ELMO1: variants seen among roughly 807,000 people sequenced by gnomAD.
ELMO1 encodes engulfment and cell motility protein 1.
ELMO1 carries 26 observed loss-of-function variants against 98.9 expected under a neutral mutation model. The observed-to-expected ratio is 0.26, with a 90% CI of 0.19 to 0.36. ELMO1 has a LOEUF of 0.36. ELMO1 is among the 10% of genes least tolerant of loss of function. ELMO1 has a pLI of 1.00. For missense variants in ELMO1, 627 were observed against 935.2 expected (o/e 0.67, Z 4.30); for synonymous variants, 346 against 346.0 (o/e 1.00, Z 0.00).
chr7:37,037,462 C>T (rs78941214), intron 15 of ELMO1, among the ~76,000 whole-genome samples: 4,122 of 152,270 alleles, frequency 0.027, 75 homozygotes, highest in Middle Eastern at 0.068. Context: ...AATAATTGAG[C>T]TGCTACCTAG....
intron 13 of ELMO1, among the ~76,000 whole-genome samples, chr7:37,204,621 T>C (rs1792500119): frequency 6.6e-6 from 1 of 152,204 alleles, no homozygotes; most frequent in Non-Finnish European, 1.5e-5. Flanking sequence ...CCTGCTTTTT[T>C]TTCCCTTCTT....
At chr7:37,438,725 G>A (rs1217712729) in intron 1 of ELMO1, among the ~76,000 whole-genome samples, 1 of 152,118 alleles carries the variant, frequency 6.6e-6, no homozygotes, top group East Asian at 1.9e-4. Context: ...TACTCGAAGA[G>A]GTGGGGACTT....
intron 16 of ELMO1, among the ~76,000 whole-genome samples, chr7:37,012,238 T>G (rs1236809606): frequency 1.3e-5 from 2 of 152,190 alleles, no homozygotes; most frequent in African/African-American, 4.8e-5. Context: ...TCAATTGGTG[T>G]TGGTTCAAGA....
chr7:36,861,380 C>T (rs1302433385), intron 21 of ELMO1, among the ~76,000 whole-genome samples: 2 of 152,036 alleles, frequency 1.3e-5, no homozygotes, highest in Admixed American at 6.6e-5. Flanking sequence ...GTAACCAGGG[C>T]CGCTTCTTTC....
At chr7:37,337,563 G>C (rs1388861230) in intron 2 of ELMO1, among the ~76,000 whole-genome samples, 1 of 151,576 alleles carries the variant, frequency 6.6e-6, no homozygotes, top group Non-Finnish European at 1.5e-5. Context: ...GAGCATTGGG[G>C]GTTGGGATAA....
At chr7:37,057,753 T>C (rs1796463659) in intron 15 of ELMO1, among the ~76,000 whole-genome samples, 2 of 152,218 alleles carry the variant, frequency 1.3e-5, no homozygotes, top group African/African-American at 4.8e-5. Context: ...TGAGAACACT[T>C]CTCTTCACAT....
At chr7:36,982,069 T>C (rs1405677602) in intron 16 of ELMO1, among the ~76,000 whole-genome samples, 1 of 152,220 alleles carries the variant, frequency 6.6e-6, no homozygotes, top group Non-Finnish European at 1.5e-5. Flanking sequence ...TGAGTGTGAC[T>C]GTGCAGCTGA....
At chr7:37,345,509 A>C (rs1244658903) in intron 1 of ELMO1, among the ~76,000 whole-genome samples, 1 of 152,302 alleles carries the variant, frequency 6.6e-6, no homozygotes, top group East Asian at 1.9e-4. Context: ...CAGGAGTTCA[A>C]GACCAGCCTG....
intron 13 of ELMO1, among the ~76,000 whole-genome samples, chr7:37,146,392 C>T (rs760883315): frequency 6.6e-6 from 1 of 152,182 alleles, no homozygotes; most frequent in Non-Finnish European, 1.5e-5. Context: ...AATGCAAGCG[C>T]ATGTTAGGGA....
At chr7:36,907,157 A>G (rs1784023813) in intron 16 of ELMO1, among the ~76,000 whole-genome samples, 1 of 152,172 alleles carries the variant, frequency 6.6e-6, no homozygotes, top group African/African-American at 2.4e-5. Context: ...CAAACAAAAA[A>G]AAAAATTCTG....
chr7:37,388,781 C>A lies in ELMO1; in HGVS notation c.-73-46018G>T, dbSNP rs1464875530. ...TTGTGCCATTTCCCTCCAGCCTGGG[C>A]AATAGAGAGAGACCCTGTCTCTAAA... On this transcript the variant is annotated intron_variant, in intron 1 of 21. Coordinates refer to ENST00000310758, the MANE Select transcript of ELMO1 (RefSeq NM_014800.11). 2.0e-5 allele frequency among the ~76,000 whole-genome samples: 3 copies of A among 152,128 alleles called. No homozygotes were observed. The South Asian group carries it at 6.2e-4, about 32-fold the overall frequency.
At position 37,084,588 on chromosome 7, in the gene ELMO1, C is replaced by T. The variant is rs60229531; in HGVS notation, c.1300+12031G>A. Among the ~76,000 whole-genome samples the T allele has an allele frequency of 8.1e-3, 1,227 of 152,270 alleles. 17 individuals carry two copies. Among genetic ancestry groups the T allele is most frequent in the African/African-American group, 0.028 (1,166 of 41,548 alleles). The stretch of plus-strand genomic sequence containing the variant: ...TTCACTCCATCTAATACCTGCATCA[C>T]CTCAGTCTACTTAACCTCTCCCTTC... On this transcript the variant is annotated intron_variant, in intron 15 of 21. Transcript: ENST00000310758.
At chr7:37,115,093 T>C (rs1362766787) in intron 14 of ELMO1, among the ~76,000 whole-genome samples, 1 of 152,132 alleles carries the variant, frequency 6.6e-6, no homozygotes, top group Non-Finnish European at 1.5e-5. Flanking sequence ...ATTAAAGGAA[T>C]TGAATAAATA....
chr7:37,096,656 G>A lies in ELMO1; in HGVS notation c.1263C>T (p.Thr421=), dbSNP rs537954210. The part of the protein sequence containing the change: ...CPFGRSSIEL[T]KMLCEILKVG... ...CTTTCAAGATCTCACATAGCATCTTGGTCAGCTCTATACTACTGCGGCCAA... is the reference window on the plus strand; with the variant it reads ...CTTTCAAGATCTCACATAGCATCTTAGTCAGCTCTATACTACTGCGGCCAA... Residue 421 remains threonine, a synonymous_variant, in exon 15 of 22, where the codon ACC becomes ACT. Coordinates refer to ENST00000310758, the MANE Select transcript of ELMO1 (RefSeq NM_014800.11). The A allele has an allele frequency of 1.9e-6, 3 of 1,614,096 alleles. No individual in the cohort carries two copies. Among genetic ancestry groups the A allele is most frequent in the Non-Finnish European group, 2.5e-6 (3 of 1,179,998 alleles).
chr7:37,350,054 G>A (rs1801188076), intron 1 of ELMO1, among the ~76,000 whole-genome samples: 1 of 152,166 alleles, frequency 6.6e-6, no homozygotes, highest in Non-Finnish European at 1.5e-5. Context: ...CCCTACACTG[G>A]AGGGTCTGGA....
At chr7:37,023,980 C>T (rs1794426372) in intron 15 of ELMO1, among the ~76,000 whole-genome samples, 1 of 152,154 alleles carries the variant, frequency 6.6e-6, no homozygotes, top group African/African-American at 2.4e-5. Context: ...TGTGTATGAA[C>T]TCTAAGAAGT....
At chr7:36,920,104 A>T (rs1438031115) in intron 16 of ELMO1, among the ~76,000 whole-genome samples, 1 of 152,230 alleles carries the variant, frequency 6.6e-6, no homozygotes, top group Admixed American at 6.5e-5. Flanking sequence ...CCTGGCCACT[A>T]AGACCCAGCT....
At chr7:37,436,502 G>C (rs924707360) in intron 1 of ELMO1, among the ~76,000 whole-genome samples, 2 of 152,232 alleles carry the variant, frequency 1.3e-5, no homozygotes, top group Non-Finnish European at 2.9e-5. Flanking sequence ...TGGAGAAGCA[G>C]TTTCTGTTTG....
At chr7:37,380,847 T>C (rs1207093946) in intron 1 of ELMO1, among the ~76,000 whole-genome samples, 1 of 152,206 alleles carries the variant, frequency 6.6e-6, no homozygotes. Context: ...ACGAAGCTCA[T>C]CTAACACTCA....
Sources: gnomAD v4.1 joint callset for allele counts (sites outside exome capture counted in the v4.1 genomes callset) on GRCh38, gnomAD v4.1.1 for gene constraint, MANE v1.5 for transcripts, NCBI Gene and HGNC (gene_info 2026-07-23, HGNC 2026-07-21) for gene names.